Variants in DCHS2 observed in about 807,000 individuals in gnomAD.
The protein encoded by DCHS2 is dachsous cadherin-related 2, also known as protocadherin-23.
Under a neutral mutation model 182.4 loss-of-function variants are expected in DCHS2, and 142 were observed. That is an observed-to-expected ratio of 0.78 (90% confidence interval 0.68 to 0.89). The LOEUF is 0.89. Among genes scored for constraint, DCHS2 ranks in the 40% least tolerant of loss-of-function variants. DCHS2 has a pLI of 0.00. For synonymous variants in DCHS2, 1,740 were observed against 1,663.3 expected (o/e 1.05, Z -1.12); for missense variants, 4,319 against 4,198.6 (o/e 1.03, Z -0.79).
intron 1 of DCHS2, among the ~76,000 whole-genome samples, chr4:154,459,539 A>T (rs1734918737): frequency 6.6e-6 from 1 of 151,758 alleles, no homozygotes; most frequent in Non-Finnish European, 1.5e-5. Flanking sequence ...CTGATATCAG[A>T]CCCTTCCCTT....
chr4:154,413,499 G>C (rs17031587), intron 1 of DCHS2, among the ~76,000 whole-genome samples: 34,849 of 151,970 alleles, frequency 0.23, 4,306 homozygotes, highest in African/African-American at 0.33. Context: ...ATTTCTCTCT[G>C]ATGCTGGATA....
chr4:154,422,631 T>C (rs1441931451), intron 1 of DCHS2, among the ~76,000 whole-genome samples: 2 of 152,216 alleles, frequency 1.3e-5, no homozygotes. Context: ...TGAAGCTGTT[T>C]AGTAATCTTC....
At chr4:154,465,993 T>G (rs1042026130) in intron 1 of DCHS2, among the ~76,000 whole-genome samples, 3 of 152,190 alleles carry the variant, frequency 2.0e-5, no homozygotes, top group Non-Finnish European at 4.4e-5. Flanking sequence ...AGCTGTATAT[T>G]TTTTGTTGCT....
chr4:154,447,733 A>G (rs916868748), intron 1 of DCHS2, among the ~76,000 whole-genome samples: 1 of 152,156 alleles, frequency 6.6e-6, no homozygotes, highest in Non-Finnish European at 1.5e-5. Flanking sequence ...AGAAGTTAAA[A>G]CTATTATATG....
At chr4:154,288,053 G>C (rs1436410223) in intron 13 of DCHS2, among the ~76,000 whole-genome samples, 3 of 152,040 alleles carry the variant, frequency 2.0e-5, no homozygotes, top group East Asian at 3.9e-4. Context: ...ATAACAAAAT[G>C]GCAGGAGTAA....
At position 154,489,806 on chromosome 4, in the gene DCHS2, G is replaced by T. The variant is rs929594461; in HGVS notation, c.1550C>A (p.Pro517Gln). 3.9e-6 allele frequency: 6 copies of T among 1,551,424 alleles called. No homozygotes were observed. The highest frequency in any genetic ancestry group is 5.2e-6 in the Non-Finnish European group (6 of 1,146,956). Residue 517 changes from proline (P) to glutamine (Q), a missense_variant, in exon 1 of 20, where the codon CCG becomes CAG. Coordinates refer to ENST00000357232, the MANE Select transcript of DCHS2 (RefSeq NM_001358235.2). Reference protein sequence around the residue: ...LLLVATDAGSPPLSTEETLLL... With the variant: ...LLLVATDAGSQPLSTEETLLL... The stretch of plus-strand genomic sequence containing the variant: ...CAGCGTCTCCTCCGTGCTCAGCGGC[G>T]GGGACCCCGCGTCCGTGGCCACCAG...
At chr4:154,315,236 A>G (rs1735811022) in intron 10 of DCHS2, among the ~76,000 whole-genome samples, 2 of 152,202 alleles carry the variant, frequency 1.3e-5, no homozygotes, top group Admixed American at 1.3e-4. Context: ...CTCTGTTATT[A>G]TCTCCATATC....
intron 1 of DCHS2, among the ~76,000 whole-genome samples, chr4:154,469,357 G>C (rs181009756): frequency 6.6e-6 from 1 of 152,042 alleles, no homozygotes; most frequent in East Asian, 1.9e-4. Flanking sequence ...CTGGAGGAAA[G>C]ATGCAAATTA....
rs749856596 is a variant in DCHS2 at position 154,321,209 on chromosome 4, G to A, written c.4190C>T (p.Ser1397Phe). 2 of 1,526,298 alleles carry A rather than the reference G, an allele frequency of 1.3e-6. No individual in the cohort carries two copies. The highest frequency in any genetic ancestry group is 4.2e-5 in the Admixed American group (2 of 47,282). The allele number at this position is 1,526,298 out of a possible 1,614,324, so 94.5% of individuals were successfully genotyped here. A position where few individuals can be genotyped will look rare whatever the true frequency, so the allele number is the denominator to read the frequency against. ...AVVNIQVIPL[S>F]KGRAIMSQNI... ...CTGAGACATGATTGCTCTCCCTTTG[G>A]ATAGTGGGATCACCTGAAATACGAA... Residue 1397 changes from serine to phenylalanine, a missense_variant, in exon 9 of 20, where the codon TCC becomes TTC. By Grantham distance (155) the Ser-to-Phe change is radical. Coordinates refer to ENST00000357232, the MANE Select transcript of DCHS2 (RefSeq NM_001358235.2).
At position 154,302,806 on chromosome 4, in the gene DCHS2, T is replaced by C. The variant is rs1055515108; in HGVS notation, c.5605+1863A>G. ...GATGCCTTTCATATATATATACTTA[T>C]ATATATTTCATATATATATACTTAT... On this transcript the variant is annotated intron_variant, in intron 12 of 19. Transcript: ENST00000357232. Among the ~76,000 whole-genome samples the C allele has an allele frequency of 3.6e-5, 4 of 109,922 alleles. 1 individual carries two copies. Among genetic ancestry groups the C allele is most frequent in the Admixed American group, 8.6e-5 (1 of 11,596 alleles). 72.1% of individuals were successfully genotyped at this position (109,922 alleles called of 152,430 possible).
Position 154,329,702 on chromosome 4 carries a change from T to C in DCHS2, c.3739A>G (p.Ile1247Val). 1 of 1,611,848 alleles carries C rather than the reference T, an allele frequency of 6.2e-7. No homozygotes were observed. The highest frequency in any genetic ancestry group is 8.5e-7 in the Non-Finnish European group (1 of 1,179,738). Reference sequence around the variant, plus strand: ...TCACGATCCAGTGCCACCCAATTGATTAACTCTCCTGCAGAGTACAGAGCA... The same window carrying C: ...TCACGATCCAGTGCCACCCAATTGACTAACTCTCCTGCAGAGTACAGAGCA... ...FKMNPNTGEL[I>V]NWVALDREHR... The change falls in exon 6 of 20, where the codon ATC becomes GTC. Residue 1247 changes from isoleucine (I) to valine (V), a missense_variant. Physicochemically the swap from Ile to Val is conservative, Grantham distance 29 (BLOSUM62 3). Coordinates refer to ENST00000357232, the MANE Select transcript of DCHS2 (RefSeq NM_001358235.2).
At chr4:154,312,389 T>C (rs1458993964) in intron 10 of DCHS2, among the ~76,000 whole-genome samples, 2 of 152,028 alleles carry the variant, frequency 1.3e-5, no homozygotes, top group East Asian at 1.9e-4. Context: ...TAACTACTAA[T>C]AAAGTGCAGA....
intron 3 of DCHS2, chr4:154,352,377 C>T (rs1390569940): frequency 1.3e-5 from 2 of 152,072 alleles, no homozygotes; most frequent in Non-Finnish European, 2.9e-5. Context: ...CCCCTCTAAT[C>T]GCAGAAGGTG....
At chr4:154,319,326 A>G (rs1374841199) in intron 9 of DCHS2, among the ~76,000 whole-genome samples, 1 of 152,126 alleles carries the variant, frequency 6.6e-6, no homozygotes, top group Non-Finnish European at 1.5e-5. Flanking sequence ...CACAGATTAC[A>G]AATCAAAAAT....
chr4:154,254,227 G>A (rs953920339), intron 16 of DCHS2, among the ~76,000 whole-genome samples: 3 of 152,178 alleles, frequency 2.0e-5, no homozygotes, highest in Non-Finnish European at 4.4e-5. Flanking sequence ...AAAGAGCTAA[G>A]CCTCTCTTGG....
At chr4:154,408,923 G>A (rs1467546531) in intron 1 of DCHS2, among the ~76,000 whole-genome samples, 1 of 152,198 alleles carries the variant, frequency 6.6e-6, no homozygotes, top group Non-Finnish European at 1.5e-5. Context: ...GCCCAGATGA[G>A]TGAGCTGCGT....
intron 3 of DCHS2, among the ~76,000 whole-genome samples, chr4:154,341,292 C>G (rs1005934126): frequency 1.3e-5 from 2 of 150,874 alleles, no homozygotes; most frequent in South Asian, 4.2e-4. Context: ...TGGCGTGAAC[C>G]CGGGAAGTGG....
chr4:154,482,054 A>G (rs1735941943), intron 1 of DCHS2, among the ~76,000 whole-genome samples: 1 of 152,220 alleles, frequency 6.6e-6, no homozygotes, highest in African/African-American at 2.4e-5. Flanking sequence ...GGAAATTCAA[A>G]ACAGAATTAT....
intron 1 of DCHS2, among the ~76,000 whole-genome samples, chr4:154,442,098 G>A (rs1370472282): frequency 3.9e-5 from 6 of 152,040 alleles, no homozygotes; most frequent in Admixed American, 2.0e-4. Context: ...TGACCTTTCA[G>A]CCTTGTTACC....
Sources: gnomAD v4.1 joint callset for allele counts (sites outside exome capture counted in the v4.1 genomes callset) on GRCh38, gnomAD v4.1.1 for gene constraint, MANE v1.5 for transcripts, NCBI Gene and HGNC (gene_info 2026-07-23, HGNC 2026-07-21) for gene names.